The following TMEM132D variants were observed in gnomAD, a reference collection of about 807,000 sequenced individuals.
The protein encoded by TMEM132D is mature OL transmembrane protein.
A neutral mutation model predicts 62.3 loss-of-function variants in TMEM132D; 21 were observed. That is an observed-to-expected ratio of 0.34 (90% CI 0.24 to 0.49). TMEM132D has a LOEUF of 0.49. Ranked by LOEUF, TMEM132D falls within the 20% of genes least tolerant of loss-of-function variation. The pLI, the probability that TMEM132D is intolerant of heterozygous loss-of-function variation, is 0.99. For synonymous variants in TMEM132D, 621 were observed against 575.6 expected (o/e 1.08, Z -1.13); for missense variants, 1,346 against 1,402.8 (o/e 0.96, Z 0.65).
At chr12:129,585,757 CAA>C (rs1385620349) in intron 2 of TMEM132D, among the ~76,000 whole-genome samples, 2 of 151,688 alleles carry the variant, frequency 1.3e-5, no homozygotes, top group Non-Finnish European at 2.9e-5. Flanking sequence ...GATATTTCCT[CAA>C]AATGAAAGTA....
At chr12:129,865,330 G>A (rs891262402) in intron 1 of TMEM132D, among the ~76,000 whole-genome samples, 4 of 152,124 alleles carry the variant, frequency 2.6e-5, no homozygotes, top group Admixed American at 6.5e-5. Context: ...GGTGTGGCTG[G>A]AGCATAGAGA....
At chr12:129,453,823 T>C (rs947126119) in intron 3 of TMEM132D, among the ~76,000 whole-genome samples, 2 of 152,320 alleles carry the variant, frequency 1.3e-5, no homozygotes, top group East Asian at 3.9e-4. Context: ...CTGCTACTAC[T>C]GTGTGTGCAT....
chr12:129,385,085 C>CTCTTT (rs1566052208), intron 3 of TMEM132D, among the ~76,000 whole-genome samples: 3 of 86,874 alleles, frequency 3.5e-5, no homozygotes, highest in Non-Finnish European at 6.4e-5. Context: ...TGTTAAAGTT[C>CTCTTT]TTTTTTTTTT....
intron 1 of TMEM132D, among the ~76,000 whole-genome samples, chr12:129,765,204 G>A (rs1870511159): frequency 6.6e-6 from 1 of 152,168 alleles, no homozygotes; most frequent in African/African-American, 2.4e-5. Context: ...ATCTGATTCT[G>A]TGGAGGCAAT....
chr12:129,632,035 C>T (rs1435216971), intron 2 of TMEM132D, among the ~76,000 whole-genome samples: 2 of 152,184 alleles, frequency 1.3e-5, no homozygotes, highest in Non-Finnish European at 2.9e-5. Flanking sequence ...GCATTATTTA[C>T]AACAGGAGCA....
At chr12:129,769,048 C>T (rs1870644826) in intron 1 of TMEM132D, among the ~76,000 whole-genome samples, 1 of 152,044 alleles carries the variant, frequency 6.6e-6, no homozygotes, top group South Asian at 2.1e-4. Flanking sequence ...CAGTTGTGGC[C>T]ATGGTGGAGA....
intron 1 of TMEM132D, among the ~76,000 whole-genome samples, chr12:129,768,399 T>C (rs575286975): frequency 1.7e-4 from 26 of 152,082 alleles, no homozygotes; most frequent in African/African-American, 6.3e-4. Context: ...TCGTAATGGG[T>C]GTAAGGTGAC....
intron 2 of TMEM132D, among the ~76,000 whole-genome samples, chr12:129,606,928 T>C (rs1481750023): frequency 6.6e-6 from 1 of 152,234 alleles, no homozygotes; most frequent in African/African-American, 2.4e-5. Context: ...GCAGGTGCAT[T>C]GTTCATTCTC....
intron 1 of TMEM132D, among the ~76,000 whole-genome samples, chr12:129,829,986 A>T (rs1428441374): frequency 1.6e-4 from 24 of 152,126 alleles, no homozygotes; most frequent in Non-Finnish European, 1.5e-5. Context: ...ACTTGTGAAA[A>T]AGAATCTAGA....
intron 2 of TMEM132D, among the ~76,000 whole-genome samples, chr12:129,612,890 A>C (rs945087108): frequency 3.9e-5 from 6 of 152,206 alleles, no homozygotes; most frequent in Admixed American, 1.3e-4. Context: ...ACAAAAAAAG[A>C]CCTGGACTTT....
intron 5 of TMEM132D, among the ~76,000 whole-genome samples, chr12:129,194,275 C>T (rs913217286): frequency 6.6e-6 from 1 of 152,226 alleles, no homozygotes; most frequent in African/African-American, 2.4e-5. Flanking sequence ...ACTAACCCTG[C>T]AGCTATTCTC....
chr12:129,268,478 C>G (rs947062473), intron 4 of TMEM132D, among the ~76,000 whole-genome samples: 6 of 152,192 alleles, frequency 3.9e-5, no homozygotes, highest in East Asian at 1.9e-4. Flanking sequence ...ATGAAAATCA[C>G]AATGAGATAC....
At chr12:129,217,560 G>A (rs558432058) in intron 4 of TMEM132D, among the ~76,000 whole-genome samples, 61 of 152,276 alleles carry the variant, frequency 4.0e-4, no homozygotes, top group African/African-American at 1.4e-3. Context: ...GAAGATGGAG[G>A]CTTATCCAAC....
At chr12:129,602,216 G>C (rs1036831062) in intron 2 of TMEM132D, among the ~76,000 whole-genome samples, 1 of 152,170 alleles carries the variant, frequency 6.6e-6, no homozygotes, top group African/African-American at 2.4e-5. Context: ...CCGCCTGTAT[G>C]CAAGTATTAT....
In TMEM132D at chr12:129,903,635, T is replaced by G; in HGVS notation, c.-296A>C. On this transcript the variant is annotated 5_prime_UTR_variant, in exon 1 of 9. Coordinates refer to ENST00000422113, the MANE Select transcript of TMEM132D (RefSeq NM_133448.3). This position sits in a 1 kb window ranked among gnomAD's most constrained non-coding sequence, Gnocchi z 6.2. ...TTTAAATTTTAATCCACAGGGGGTATTTCCTTTCCTGTTTACCCGAGCGAA... is the reference window on the plus strand; with the variant it reads ...TTTAAATTTTAATCCACAGGGGGTAGTTCCTTTCCTGTTTACCCGAGCGAA... The G allele has an allele frequency of 2.8e-6, 1 of 356,818 alleles. No homozygotes were observed. The highest frequency in any genetic ancestry group is 5.1e-6 in the Non-Finnish European group (1 of 196,522). 22.1% of individuals were successfully genotyped at this position (356,818 alleles called of 1,614,324 possible).
intron 2 of TMEM132D, among the ~76,000 whole-genome samples, chr12:129,563,133 G>T (rs1457485781): frequency 1.3e-5 from 2 of 152,156 alleles, no homozygotes; most frequent in African/African-American, 4.8e-5. Flanking sequence ...GAGGCCAGGG[G>T]TGCTTTGGTC....
intron 1 of TMEM132D, among the ~76,000 whole-genome samples, chr12:129,811,491 C>G (rs1332495409): frequency 6.6e-6 from 1 of 151,750 alleles, no homozygotes; most frequent in East Asian, 1.9e-4. Flanking sequence ...GCTCTCAGTT[C>G]CTTCACCCCA....
intron 1 of TMEM132D, among the ~76,000 whole-genome samples, chr12:129,874,690 T>C (rs1481205460): frequency 1.4e-5 from 2 of 146,326 alleles, no homozygotes; most frequent in Non-Finnish European, 3.0e-5. Context: ...AAAATGTTTT[T>C]CACATTTTTC....
chr12:129,398,495 C>T (rs1871498554), intron 3 of TMEM132D, among the ~76,000 whole-genome samples: 1 of 152,152 alleles, frequency 6.6e-6, no homozygotes, highest in African/African-American at 2.4e-5. Flanking sequence ...TCTCCTTGGG[C>T]AGTACCAGGA....
Sources: allele counts gnomAD v4.1 joint callset (sites outside exome capture counted in the v4.1 genomes callset), GRCh38; gene constraint gnomAD v4.1.1; non-coding constraint Gnocchi (gnomAD v3.1); transcripts MANE v1.5; gene names NCBI Gene and HGNC (gene_info 2026-07-23, HGNC 2026-07-21).